The following PLXDC2 variants were observed in gnomAD, a reference collection of about 807,000 sequenced individuals.
PLXDC2 encodes the protein plexin domain-containing protein 2.
In PLXDC2, 40 loss-of-function variants were observed where a neutral mutation model predicts 68.9. The observed-to-expected ratio is 0.58, with a 90% CI of 0.45 to 0.76. PLXDC2 has a LOEUF of 0.76. Ranked by LOEUF, PLXDC2 falls within the 30% of genes least tolerant of loss-of-function variation. PLXDC2 has a pLI of 0.00. For missense variants in PLXDC2, 644 were observed against 661.9 expected (o/e 0.97, Z 0.30); for synonymous variants, 243 against 234.2 (o/e 1.04, Z -0.34).
intron 1 of PLXDC2, among the ~76,000 whole-genome samples, chr10:19,833,219 A>G (rs1359004066): frequency 1.3e-5 from 2 of 152,218 alleles, no homozygotes; most frequent in African/African-American, 4.8e-5. Flanking sequence ...ACATAAAACC[A>G]TATCACCTTC....
chr10:19,912,845 A>G (rs1223032236), intron 1 of PLXDC2, among the ~76,000 whole-genome samples: 2 of 152,190 alleles, frequency 1.3e-5, no homozygotes, highest in Non-Finnish European at 1.5e-5. Context: ...ATTATCATCC[A>G]AAGATCTCAT....
intron 1 of PLXDC2, among the ~76,000 whole-genome samples, chr10:19,899,204 C>G (rs747369042): frequency 6.6e-6 from 1 of 152,104 alleles, no homozygotes; most frequent in Non-Finnish European, 1.5e-5. Context: ...CCTCTCAGAC[C>G]AGTTGTTTAT....
intron 4 of PLXDC2, among the ~76,000 whole-genome samples, chr10:20,140,872 A>G (rs552923781): frequency 1.3e-5 from 2 of 148,596 alleles, no homozygotes; most frequent in African/African-American, 2.5e-5. Flanking sequence ...TGGGGTTTTT[A>G]TTTTTTTTTT....
rs576733370 is a variant in PLXDC2, at chr10:19,840,148, A to G, written c.112+22957A>G. Among the ~76,000 whole-genome samples the G allele has an allele frequency of 2.4e-4, 36 of 152,252 alleles. No homozygotes were observed. In the South Asian group the frequency reaches 3.1e-3, roughly 13 times the overall value. On this transcript the variant is annotated intron_variant, in intron 1 of 13. Coordinates refer to ENST00000377252, the MANE Select transcript of PLXDC2 (RefSeq NM_032812.9). The stretch of plus-strand genomic sequence containing the variant: ...ATCTTGGAAATGCCAGTGGTCAGCA[A>G]TGTGTTTTGGATTGACAGTTAATAT...
intron 1 of PLXDC2, among the ~76,000 whole-genome samples, chr10:19,975,479 A>AAAAT (rs1464406826): frequency 1.3e-5 from 2 of 152,040 alleles, no homozygotes; most frequent in African/African-American, 4.8e-5. Context: ...TAAATAATTA[A>AAAAT]AAATAAATAA....
chr10:19,904,858 A>G (rs140128308), intron 1 of PLXDC2, among the ~76,000 whole-genome samples: 7 of 152,326 alleles, frequency 4.6e-5, no homozygotes, highest in Non-Finnish European at 7.4e-5. Flanking sequence ...AGAATCCTAA[A>G]TTTGAGATGC....
chr10:20,250,117 A>T (rs1197730268), intron 13 of PLXDC2, among the ~76,000 whole-genome samples: 1 of 151,838 alleles, frequency 6.6e-6, no homozygotes, highest in African/African-American at 2.4e-5. Flanking sequence ...AAAATACAAA[A>T]ATTAGCCAGG....
At chr10:19,903,233 T>C (rs760475889) in intron 1 of PLXDC2, among the ~76,000 whole-genome samples, 7 of 152,102 alleles carry the variant, frequency 4.6e-5, no homozygotes. Context: ...TCCTGTGGAA[T>C]AGTGTCAATA....
intron 1 of PLXDC2, among the ~76,000 whole-genome samples, chr10:19,893,475 T>G (rs543796433): frequency 1.3e-5 from 2 of 152,332 alleles, no homozygotes; most frequent in South Asian, 4.1e-4. Context: ...GTAAATGTCT[T>G]TAGAAAGTCA....
At chr10:19,999,645 T>C (rs1480654957) in intron 1 of PLXDC2, among the ~76,000 whole-genome samples, 3 of 152,148 alleles carry the variant, frequency 2.0e-5, no homozygotes, top group East Asian at 1.9e-4. Context: ...AGAGCTACTA[T>C]AGCAAGTGCA....
At chr10:19,935,034 C>G (rs969405511) in intron 1 of PLXDC2, among the ~76,000 whole-genome samples, 1 of 152,178 alleles carries the variant, frequency 6.6e-6, no homozygotes, top group African/African-American at 2.4e-5. Context: ...GACATATGCT[C>G]CCCTTGAAAA....
intron 1 of PLXDC2, among the ~76,000 whole-genome samples, chr10:19,916,061 G>A (rs75676891): frequency 0.024 from 3,580 of 151,512 alleles, 136 homozygotes; most frequent in African/African-American, 0.082. Context: ...TGCTCTGTGG[G>A]TAAGAATGTG....
chr10:20,201,606 ATAGT>A (rs530682914), intron 9 of PLXDC2, among the ~76,000 whole-genome samples: 1 of 152,198 alleles, frequency 6.6e-6, no homozygotes, highest in African/African-American at 2.4e-5. Context: ...ATATTTTCAA[ATAGT>A]TAGAAGGAGA....
rs1433959817 is a variant in PLXDC2 at position 20,288,766 on chromosome 10, G to T, written c.*8947G>T. ...CTTTCGGTTCTGCTTACAGTGTGTG[G>T]GAAATCTGATTTTTTTCCCCTAGTA... On this transcript the variant is annotated 3_prime_UTR_variant, in exon 14 of 14. Coordinates refer to ENST00000377252, the MANE Select transcript of PLXDC2 (RefSeq NM_032812.9). 2 of 152,008 alleles carry T rather than the reference G, an allele frequency of 1.3e-5. No homozygotes were observed. The highest frequency in any genetic ancestry group is 4.8e-5 in the African/African-American group (2 of 41,390). 9.4% of individuals were successfully genotyped at this position (152,008 alleles called of 1,614,324 possible). A position where few individuals can be genotyped will look rare whatever the true frequency, so the allele number is the denominator to read the frequency against.
chr10:19,848,699 G>A (rs1308282580), intron 1 of PLXDC2, among the ~76,000 whole-genome samples: 3 of 152,110 alleles, frequency 2.0e-5, no homozygotes, highest in Non-Finnish European at 4.4e-5. Context: ...ATATTTCCAC[G>A]AAGTACCCAC....
chr10:20,097,930 A>G (rs1833373061), intron 4 of PLXDC2, among the ~76,000 whole-genome samples: 2 of 148,408 alleles, frequency 1.3e-5, no homozygotes, highest in South Asian at 2.1e-4. Flanking sequence ...TATATTATTT[A>G]TAGTATTATA....
chr10:20,260,597 C>A (rs113955309), intron 13 of PLXDC2, among the ~76,000 whole-genome samples: 2 of 152,138 alleles, frequency 1.3e-5, no homozygotes, highest in Non-Finnish European at 2.9e-5. Flanking sequence ...ATTCACCTGT[C>A]GATGGACACT....
chr10:19,908,940 T>G (rs755783569), intron 1 of PLXDC2, among the ~76,000 whole-genome samples: 23 of 152,186 alleles, frequency 1.5e-4, no homozygotes, highest in Non-Finnish European at 2.6e-4. Context: ...TTTGAGTTTT[T>G]GATCACCAAA....
intron 2 of PLXDC2, among the ~76,000 whole-genome samples, chr10:20,002,843 A>G (rs1253255580): frequency 6.6e-6 from 1 of 152,088 alleles, no homozygotes; most frequent in Non-Finnish European, 1.5e-5. Context: ...GTAGAATGAC[A>G]TCTCCAGGAC....
Sources: gnomAD v4.1 joint callset for allele counts (sites outside exome capture counted in the v4.1 genomes callset) on GRCh38, gnomAD v4.1.1 for gene constraint, MANE v1.5 for transcripts, NCBI Gene and HGNC (gene_info 2026-07-23, HGNC 2026-07-21) for gene names.